Variants in PORCN observed in about 807,000 individuals in gnomAD.
PORCN encodes the protein porcupine O-acyltransferase, also known as protein-serine O-palmitoleoyltransferase porcupine.
PORCN carries 1 observed loss-of-function variant against 43.0 expected under a neutral mutation model. The observed-to-expected ratio is 0.02, with a 90% CI of 0.01 to 0.11. The LOEUF (loss-of-function observed/expected upper bound fraction) is 0.11. PORCN is among the 10% of genes least tolerant of loss of function. The pLI, the probability that PORCN is intolerant of heterozygous loss-of-function variation, is 1.00. For missense variants in PORCN, 240 were observed against 392.1 expected, an observed-to-expected ratio of 0.61 and a Z score of 3.28; for synonymous variants, 148 against 166.4, an observed-to-expected ratio of 0.89 and a Z score of 0.85.
At chrX:48,517,912 C>T (rs2061731004) in intron 14 of PORCN, among the ~76,000 whole-genome samples, 1 of 105,353 alleles carries the variant, frequency 9.5e-6, no homozygotes, top group Non-Finnish European at 1.9e-5. Flanking sequence ...TGCAAGACTT[C>T]TTAATTTTTT....
At chrX:48,518,455 A>G (rs2061735743) in intron 14 of PORCN, among the ~76,000 whole-genome samples, 1 of 111,599 alleles carries the variant, frequency 9.0e-6, no homozygotes, top group South Asian at 3.7e-4. Flanking sequence ...TCCAGGCCTC[A>G]GGTGATCCAC....
In PORCN at chrX:48,515,748, C is replaced by T. The variant is rs2061711430; in HGVS notation, c.978C>T (p.Thr326=). The T allele has an allele frequency of 1.7e-6, 2 of 1,206,977 alleles. No individual in the cohort carries two copies. Among genetic ancestry groups the T allele is most frequent in the Non-Finnish European group, 2.2e-6 (2 of 894,076 alleles). ...TCAAGAATGCTCTCCGCCTGGGGAC[C>T]TTCTCGGCTGTGCTGGTCACCTATG... is the stretch of plus-strand genomic sequence containing the variant. ...YVFKNALRLG[T]FSAVLVTYAA... The change falls in exon 11 of 15, where the codon ACC becomes ACT. Residue 326 remains threonine (T), a synonymous_variant. Transcript: ENST00000326194.
intron 2 of PORCN, 72 bp from the exon 3 acceptor site, chrX:48,511,223 T>G: frequency 7.9e-6 from 3 of 379,865 alleles, no homozygotes; most frequent in Non-Finnish European, 1.0e-5. Flanking sequence ...CCTCCCTCCC[T>G]TCCTCCCACT....
At chrX:48,512,892 G>C (rs1421399391) in intron 7 of PORCN, 40 bp downstream of exon 7, 1 of 1,204,651 alleles carries the variant, frequency 8.3e-7, no homozygotes, top group Non-Finnish European at 1.1e-6. Flanking sequence ...GAGTGGGGCT[G>C]ACATGAGTGG....
intron 2 of PORCN, 79 bp from the exon 3 acceptor site, chrX:48,511,216 C>T: frequency 2.2e-6 from 1 of 446,786 alleles, no homozygotes; most frequent in Non-Finnish European, 4.2e-6. Flanking sequence ...CTCCCTCCCT[C>T]CCTCCCTTCC....
Position 48,520,477 on chromosome X carries a change from G to C in PORCN, c.*1G>C. The C allele has an allele frequency of 8.4e-7, 1 of 1,190,156 alleles. No homozygotes were observed. Among genetic ancestry groups the C allele is most frequent in the Non-Finnish European group, 1.1e-6 (1 of 876,096 alleles). On this transcript the variant is annotated 3_prime_UTR_variant, in exon 15 of 15. Transcript: ENST00000326194. The stretch of plus-strand genomic sequence containing the variant: ...GATCTTCTACCGTCTCATAGGCTGA[G>C]GCACATCTGTGGACCCTCATAACCC...
At chrX:48,517,554 A>G (rs1260681869) in intron 14 of PORCN, among the ~76,000 whole-genome samples, 1 of 112,576 alleles carries the variant, frequency 8.9e-6, no homozygotes, top group Non-Finnish European at 1.9e-5. Flanking sequence ...ATGCTGGCTC[A>G]CGCCTACAAT....
At chrX:48,517,537 G>T (rs1287149691) in intron 14 of PORCN, among the ~76,000 whole-genome samples, 1 of 112,243 alleles carries the variant, frequency 8.9e-6, no homozygotes, top group African/African-American at 3.2e-5. Flanking sequence ...TAACTTTTAG[G>T]CTGGGCATGC....
intron 4 of PORCN, 148 bp downstream of exon 4, chrX:48,512,083 C>T (rs782379416): frequency 1.8e-6 from 1 of 560,149 alleles, no homozygotes; most frequent in South Asian, 2.6e-5. Context: ...ACTCTTGGGT[C>T]CGTGTCTCTT....
At chrX:48,509,340 C>G (rs1227257365) in intron 1 of PORCN, 3 of 280,091 alleles carry the variant, frequency 1.1e-5, no homozygotes, top group Non-Finnish European at 1.2e-5. Context: ...GACACCCCCC[C>G]TCCCCGTGCC....
intron 14 of PORCN, among the ~76,000 whole-genome samples, chrX:48,520,145 C>T (rs1223797726): frequency 8.9e-6 from 1 of 112,015 alleles, no homozygotes; most frequent in Non-Finnish European, 1.9e-5. Flanking sequence ...TTTAGGAGCT[C>T]TTTATATATT....
chrX:48,514,370 G>A lies in PORCN; in HGVS notation c.845+5G>A. 8.3e-7 allele frequency: 1 copy of A among 1,207,681 alleles called. No individual in the cohort carries two copies. Among genetic ancestry groups the A allele is most frequent in the Non-Finnish European group, 1.1e-6 (1 of 892,922 alleles). ...GGAGAAGGATCACCTGGAATGGTGGGGGGGCTTGGGGACCCCCTCTCCCAC... is the reference window on the plus strand; with the variant it reads ...GGAGAAGGATCACCTGGAATGGTGGAGGGGCTTGGGGACCCCCTCTCCCAC... On this transcript the variant is annotated splice_donor_5th_base_variant and intron_variant, in intron 9 of 14. Coordinates refer to ENST00000326194, the MANE Select transcript of PORCN (RefSeq NM_203475.3).
At chrX:48,511,800 C>G (rs1181396160) in intron 3 of PORCN, 92 bp from the exon 4 acceptor site, 2 of 836,897 alleles carry the variant, frequency 2.4e-6, no homozygotes, top group East Asian at 3.1e-5. Context: ...GGAGGTAGAA[C>G]CCTCTGGGCA....
rs1556973494 is a variant in PORCN at position 48,509,829 on chromosome X, C to T, written c.9C>T (p.Thr3=). 1.2e-5 allele frequency: 14 copies of T among 1,209,650 alleles called. No homozygotes were observed. Among genetic ancestry groups the T allele is most frequent in the Non-Finnish European group, 1.3e-5 (12 of 894,853 alleles). The change falls in exon 2 of 15, where the codon ACC becomes ACT. Residue 3 remains threonine, a synonymous_variant. Transcript: ENST00000326194. ...ATCCGTGGGGGTCTGCAATGGCCAC[C>T]TTTAGCCGCCAGGAATTTTTCCAGC... MA[T]FSRQEFFQQL... is the part of the protein sequence containing the mutation.
In PORCN at chrX:48,512,571, A is replaced by T; in HGVS notation, c.556-18A>T. On this transcript the variant is annotated intron_variant, in intron 5 of 14. Transcript: ENST00000326194. ...AGCCACCCTGGGGCAGCACTCATGGAGTGCTTGATCCCTACAGAGCTGCCG... is the reference window on the plus strand; with the variant it reads ...AGCCACCCTGGGGCAGCACTCATGGTGTGCTTGATCCCTACAGAGCTGCCG... 8.3e-7 allele frequency: 1 copy of T among 1,210,201 alleles called. No homozygotes were observed.
chrX:48,514,083 T>C (rs782413510), intron 7 of PORCN, 44 bp from the exon 8 acceptor site: 38 of 1,207,141 alleles, frequency 3.1e-5, no homozygotes, highest in African/African-American at 2.8e-4. Context: ...TCTGACTCTC[T>C]TTTCTTTCTT....
At chrX:48,518,157 C>T (rs1556975817) in intron 14 of PORCN, among the ~76,000 whole-genome samples, 1 of 108,570 alleles carries the variant, frequency 9.2e-6, no homozygotes, top group Non-Finnish European at 1.9e-5. Context: ...CAAGCAATCC[C>T]CTTGCCTCAA....
rs2061701797 is a variant in PORCN, at chrX:48,514,595, A to G, written c.916A>G (p.Asn306Asp). ...RSMVEVVTSW[N>D]LPMSYWLNNY... Reference sequence around the variant, plus strand: ...AATGGTGGAAGTTGTCACAAGCTGGAACCTGCCCATGTCTTATTGGCTAAA... The same window carrying G: ...AATGGTGGAAGTTGTCACAAGCTGGGACCTGCCCATGTCTTATTGGCTAAA... The change falls in exon 10 of 15, where the codon AAC becomes GAC. Residue 306 changes from asparagine to aspartate, a missense_variant. Coordinates refer to ENST00000326194, the MANE Select transcript of PORCN (RefSeq NM_203475.3). The G allele has an allele frequency of 8.3e-7, 1 of 1,209,475 alleles. No homozygotes were observed. Among genetic ancestry groups the G allele is most frequent in the African/African-American group, 1.7e-5 (1 of 57,297 alleles).
rs367962089 is a variant in PORCN at position 48,513,150 on chromosome X, C to A, written c.704+298C>A. Among the ~76,000 whole-genome samples, 3 of 112,538 alleles carry A rather than the reference C, an allele frequency of 2.7e-5. No homozygotes were observed. In the East Asian group the frequency reaches 8.3e-4, roughly 31 times the overall value. ...TGTTGGTTGGGTGACTTTAACCTGT[C>A]AGTGACTCTGTCTAGGGATATGTAT... On this transcript the variant is annotated intron_variant, in intron 7 of 14. Coordinates refer to ENST00000326194, the MANE Select transcript of PORCN (RefSeq NM_203475.3).
Sources: allele counts gnomAD v4.1 joint callset (sites outside exome capture counted in the v4.1 genomes callset), GRCh38; gene constraint gnomAD v4.1.1; transcripts MANE v1.5; gene names NCBI Gene and HGNC (gene_info 2026-07-23, HGNC 2026-07-21).